The following DPYD variants were observed in gnomAD, a reference collection of about 807,000 sequenced individuals.
DPYD encodes dihydropyrimidine dehydrogenase [NADP(+)].
A neutral mutation model predicts 116.2 loss-of-function variants in DPYD; 109 were observed. That is an observed-to-expected ratio of 0.94 (90% CI 0.80 to 1.10). The LOEUF (loss-of-function observed/expected upper bound fraction) is 1.10. Among genes scored for constraint, DPYD ranks in the 50% least tolerant of loss-of-function variants. The pLI is 0.00. For synonymous variants in DPYD, 440 were observed against 432.0 expected (o/e 1.02, Z -0.23); for missense variants, 1,302 against 1,254.5 (o/e 1.04, Z -0.57).
At chr1:97,875,367 C>T (rs1307175495) in intron 2 of DPYD, among the ~76,000 whole-genome samples, 1 of 151,858 alleles carries the variant, frequency 6.6e-6, no homozygotes, top group Non-Finnish European at 1.5e-5. Context: ...ATTCATTTGG[C>T]TGTTAATAAA....
chr1:97,515,548 C>T (rs1648153556), intron 13 of DPYD, among the ~76,000 whole-genome samples, 178 bp downstream of exon 13: 1 of 151,600 alleles, frequency 6.6e-6, no homozygotes, highest in Non-Finnish European at 1.5e-5. Flanking sequence ...ATATGCCTGC[C>T]CCTTCTTCCA....
chr1:97,584,847 CT>C (rs1653974317), intron 10 of DPYD, among the ~76,000 whole-genome samples: 1 of 149,428 alleles, frequency 6.7e-6, no homozygotes, highest in South Asian at 2.1e-4. Flanking sequence ...ATACCTAATG[CT>C]AAATGACAAG....
intron 4 of DPYD, among the ~76,000 whole-genome samples, chr1:97,728,951 G>GA (rs535738768): frequency 1.0e-3 from 150 of 146,898 alleles, no homozygotes; most frequent in East Asian, 4.9e-3. Flanking sequence ...CATACTCTCA[G>GA]AAAAAAAAAA....
chr1:97,732,497 A>T (rs1571266363), intron 4 of DPYD, among the ~76,000 whole-genome samples: 1 of 151,884 alleles, frequency 6.6e-6, no homozygotes, highest in East Asian at 1.9e-4. Flanking sequence ...AAAAAGTAAA[A>T]ATGTAACCTT....
At chr1:97,713,637 GAC>G (rs1283091690) in intron 5 of DPYD, among the ~76,000 whole-genome samples, 2 of 152,010 alleles carry the variant, frequency 1.3e-5, no homozygotes, top group African/African-American at 4.8e-5. Flanking sequence ...TAAAAGGAGA[GAC>G]ACAAATCAAA....
chr1:97,789,896 A>T (rs1667226011), intron 3 of DPYD, among the ~76,000 whole-genome samples: 1 of 152,202 alleles, frequency 6.6e-6, no homozygotes, highest in African/African-American at 2.4e-5. Context: ...TAATTTATAT[A>T]CTGCTTTAAG....
intron 18 of DPYD, among the ~76,000 whole-genome samples, chr1:97,287,342 A>G (rs1286241240): frequency 6.6e-6 from 1 of 152,052 alleles, no homozygotes; most frequent in African/African-American, 2.4e-5. Flanking sequence ...CCCTACTGGG[A>G]GGTGCCTCCC....
chr1:97,193,307 T>C, intron 19 of DPYD, 59 bp from the exon 20 acceptor site: 4 of 1,530,350 alleles, frequency 2.6e-6, no homozygotes, highest in Non-Finnish European at 3.6e-6. Context: ...TCCAAACAAA[T>C]TCACTTTTCT....
At chr1:97,542,129 T>C (rs2811169) in intron 12 of DPYD, among the ~76,000 whole-genome samples, 17,318 of 152,162 alleles carry the variant, frequency 0.11, 1,106 homozygotes, top group Non-Finnish European at 0.13. Flanking sequence ...CAAATTGAAA[T>C]CCTAGCTAGG....
intron 2 of DPYD, among the ~76,000 whole-genome samples, chr1:97,873,195 C>T (rs1671744594): frequency 6.6e-6 from 1 of 151,872 alleles, no homozygotes; most frequent in Non-Finnish European, 1.5e-5. Context: ...ATCACAGTGG[C>T]TGGAACATGT....
chr1:97,323,291 T>TGTGTATATGTACACGTATATATAC (rs1668430419), intron 16 of DPYD, among the ~76,000 whole-genome samples: 1 of 147,936 alleles, frequency 6.8e-6, no homozygotes, highest in Admixed American at 6.8e-5. Flanking sequence ...TATATATACA[T>TGTGTATATGTACACGTATATATAC]ATGTGTATAT....
intron 8 of DPYD, among the ~76,000 whole-genome samples, chr1:97,643,185 T>C (rs1299554563): frequency 6.6e-6 from 1 of 152,096 alleles, no homozygotes; most frequent in African/African-American, 2.4e-5. Context: ...AATCTATCCA[T>C]CTGACAAAGG....
chr1:97,390,468 C>T (rs548990214), intron 14 of DPYD, among the ~76,000 whole-genome samples: 7 of 152,012 alleles, frequency 4.6e-5, no homozygotes, highest in Non-Finnish European at 7.4e-5. Flanking sequence ...GTCCTTTATG[C>T]CTTAGTTCAA....
At chr1:97,168,848 A>T (rs929100358) in intron 20 of DPYD, among the ~76,000 whole-genome samples, 1 of 142,390 alleles carries the variant, frequency 7.0e-6, no homozygotes, top group Non-Finnish European at 1.5e-5. Context: ...CCACTTAGTA[A>T]TTTTTTTTTT....
chr1:97,384,100 T>C (rs941673719), intron 14 of DPYD, among the ~76,000 whole-genome samples: 1 of 152,150 alleles, frequency 6.6e-6, no homozygotes, highest in East Asian at 1.9e-4. Flanking sequence ...CAGAGCGAGA[T>C]TCTATCTCCA....
intron 20 of DPYD, among the ~76,000 whole-genome samples, chr1:97,168,308 C>A (rs561940623): frequency 2.6e-4 from 40 of 152,286 alleles, no homozygotes; most frequent in African/African-American, 9.1e-4. Context: ...CAGCTCTTCA[C>A]TCTATTGAGG....
intron 5 of DPYD, among the ~76,000 whole-genome samples, chr1:97,706,255 A>T (rs1399000698): frequency 6.6e-6 from 1 of 152,064 alleles, no homozygotes. Context: ...TTGTTCATGA[A>T]GCATTTAAAA....
chr1:97,729,946 T>C (rs1256080483), intron 4 of DPYD, among the ~76,000 whole-genome samples: 1 of 152,198 alleles, frequency 6.6e-6, no homozygotes, highest in Non-Finnish European at 1.5e-5. Context: ...CTTTCATCTG[T>C]ATCAAAACCC....
chr1:97,708,367 G>A (rs903204735), intron 5 of DPYD, among the ~76,000 whole-genome samples: 2 of 151,944 alleles, frequency 1.3e-5, no homozygotes, highest in Non-Finnish European at 2.9e-5. Flanking sequence ...TTTTACATAT[G>A]GAAGTAGGGT....
Sources: allele counts gnomAD v4.1 joint callset (sites outside exome capture counted in the v4.1 genomes callset), GRCh38; gene constraint gnomAD v4.1.1; transcripts MANE v1.5; gene names NCBI Gene and HGNC (gene_info 2026-07-23, HGNC 2026-07-21).